The following KIAA0586 variants were observed in gnomAD, a reference collection of about 807,000 sequenced individuals.
KIAA0586 encodes KIAA0586.
In KIAA0586, 144 loss-of-function variants were observed where a neutral mutation model predicts 169.8. The observed-to-expected ratio is 0.85, with a 90% confidence interval of 0.74 to 0.97. The LOEUF is 0.97. KIAA0586 is among the 50% of genes least tolerant of loss of function. The pLI is 0.00. For missense variants in KIAA0586, 1,854 were observed against 1,823.0 expected, an observed-to-expected ratio of 1.02 and a Z score of -0.31; for synonymous variants, 625 against 612.4, an observed-to-expected ratio of 1.02 and a Z score of -0.30.
At chr14:58,482,480 C>T in intron 20 of KIAA0586, 33 bp from the exon 21 acceptor site, 4 of 1,374,268 alleles carry the variant, frequency 2.9e-6, no homozygotes, top group Non-Finnish European at 2.9e-6. Flanking sequence ...TGTTTCTTGC[C>T]CACTTATTCT....
intron 18 of KIAA0586, among the ~76,000 whole-genome samples, chr14:58,473,506 A>G (rs181441096): frequency 1.3e-5 from 2 of 152,348 alleles, no homozygotes; most frequent in Admixed American, 1.3e-4. Context: ...ACCTTATTGC[A>G]TATTTAAATG....
chr14:58,430,955 A>G (rs2037316088), intron 3 of KIAA0586, among the ~76,000 whole-genome samples: 1 of 152,074 alleles, frequency 6.6e-6, no homozygotes, highest in African/African-American at 2.4e-5. Context: ...GAATTTGACT[A>G]CCCTAGGTAC....
chr14:58,443,514 C>T (rs958735241), intron 5 of KIAA0586, among the ~76,000 whole-genome samples: 2 of 152,216 alleles, frequency 1.3e-5, no homozygotes, highest in Non-Finnish European at 2.9e-5. Flanking sequence ...CCTCCGCCTC[C>T]TGGGTTCACG....
chr14:58,431,800 T>C (rs865783735), intron 3 of KIAA0586, among the ~76,000 whole-genome samples: 42 of 152,346 alleles, frequency 2.8e-4, no homozygotes, highest in African/African-American at 9.9e-4. Context: ...TGATTAAATG[T>C]ATTCCTAGGA....
chr14:58,484,924 A>ATATATATATATTTTT (rs1566877360), intron 21 of KIAA0586, among the ~76,000 whole-genome samples: 1 of 13,052 alleles, frequency 7.7e-5, no homozygotes, highest in Non-Finnish European at 1.3e-4. Context: ...ATATATATAT[A>ATATATATATATTTTT]TTTTTTTTTT....
downstream of KIAA0586, among the ~76,000 whole-genome samples, chr14:58,554,699 T>G (rs946162312): frequency 6.6e-6 from 1 of 152,246 alleles, no homozygotes; most frequent in Non-Finnish European, 1.5e-5. Flanking sequence ...AAAGGCCAGA[T>G]AGTAAATCTT....
chr14:58,430,663 G>T lies in KIAA0586; in HGVS notation c.286G>T (p.Val96Phe). 3 of 1,597,940 alleles carry T rather than the reference G, an allele frequency of 1.9e-6. No homozygotes were observed. Among genetic ancestry groups the T allele is most frequent in the Non-Finnish European group, 2.6e-6 (3 of 1,170,104 alleles). ...MVSESDFSKD[V>F]AVQVLPLDKI... ...TATCCCAAAGGATTTTTCTAAAGAC[G>T]TTGCAGTGCAAGTGTTGCCTTTGGA... The change falls in exon 3 of 31, where the codon GTT (valine) becomes TTT (phenylalanine). Residue 96 changes from valine to phenylalanine, a missense_variant. Val to Phe is a conservative substitution (Grantham distance 50, BLOSUM62 -1). Coordinates refer to ENST00000652326, the MANE Select transcript of KIAA0586 (RefSeq NM_001329943.3).
Position 58,508,538 on chromosome 14 carries a change from T to C in KIAA0586, c.4169-17T>C. ...TAACACTTTATTTTAACTTTTTATT[T>C]ACATTTTTGATAACAGGTAGTATTT... On this transcript the variant is annotated splice_polypyrimidine_tract_variant and intron_variant, in intron 27 of 30. Transcript: ENST00000652326. The C allele has an allele frequency of 3.9e-6, 6 of 1,529,980 alleles. No homozygotes were observed. Among genetic ancestry groups the C allele is most frequent in the Non-Finnish European group, 5.3e-6 (6 of 1,132,534 alleles). The allele number at this position is 1,529,980 out of a possible 1,614,324, so 94.8% of individuals were successfully genotyped here.
chr14:58,432,798 A>G (rs760413614), intron 4 of KIAA0586, among the ~76,000 whole-genome samples: 5 of 152,274 alleles, frequency 3.3e-5, no homozygotes, highest in Non-Finnish European at 4.4e-5. Flanking sequence ...GCTCACTGCA[A>G]CCTCTGCCTC....
At chr14:58,461,253 ACG>A in intron 14 of KIAA0586, 93 bp downstream of exon 14, 1 of 869,256 alleles carries the variant, frequency 1.2e-6, no homozygotes, top group Non-Finnish European at 1.7e-6. Context: ...TATTGCTTAT[ACG>A]TGCCATTCAA....
intron 21 of KIAA0586, among the ~76,000 whole-genome samples, chr14:58,483,076 T>C (rs1305057993): frequency 1.3e-5 from 2 of 152,202 alleles, no homozygotes; most frequent in Non-Finnish European, 2.9e-5. Context: ...CAGTTGTCCA[T>C]TGGTGTACGT....
At chr14:58,516,425 C>T (rs1041929303) in intron 29 of KIAA0586, among the ~76,000 whole-genome samples, 2 of 152,200 alleles carry the variant, frequency 1.3e-5, no homozygotes, top group African/African-American at 4.8e-5. Context: ...AAAGAATCCA[C>T]TCCTGGCGGA....
At chr14:58,536,098 A>AT (rs1056074551) in intron 29 of KIAA0586, among the ~76,000 whole-genome samples, 3 of 152,108 alleles carry the variant, frequency 2.0e-5, no homozygotes, top group African/African-American at 4.8e-5. Flanking sequence ...CCAAATTTCA[A>AT]TTTTTTAAAA....
At chr14:58,540,392 G>A (rs2046574870) in intron 30 of KIAA0586, among the ~76,000 whole-genome samples, 1 of 152,222 alleles carries the variant, frequency 6.6e-6, no homozygotes, top group Admixed American at 6.5e-5. Flanking sequence ...TGCAGGTGTG[G>A]TATTCAGAGC....
At chr14:58,451,393 AT>A (rs1481684682) in intron 8 of KIAA0586, among the ~76,000 whole-genome samples, 2 of 150,880 alleles carry the variant, frequency 1.3e-5, no homozygotes, top group Non-Finnish European at 3.0e-5. Flanking sequence ...CACCAGGCTA[AT>A]TTTTGTATTT....
chr14:58,527,330 A>G (rs1297918341), intron 29 of KIAA0586, among the ~76,000 whole-genome samples: 2 of 152,204 alleles, frequency 1.3e-5, no homozygotes, highest in South Asian at 2.1e-4. Flanking sequence ...ACAGGCCAAC[A>G]TTGAAATTCA....
chr14:58,550,318 A>T lies in KIAA0586; in HGVS notation c.*2386A>T, dbSNP rs1246289291. ...CGGCATTCATCTAGTATTTTGTTTT[A>T]TAGGATTATTTCTGTTCATGGTTAC... On this transcript the variant is annotated 3_prime_UTR_variant, in exon 31 of 31. Transcript: ENST00000652326. 1 of 151,904 alleles carries T rather than the reference A, an allele frequency of 6.6e-6. No individual in the cohort carries two copies. The highest frequency in any genetic ancestry group is 1.5e-5 in the Non-Finnish European group (1 of 67,994). The allele number at this position is 151,904 out of a possible 1,614,324, so 9.4% of individuals were successfully genotyped here. A position where few individuals can be genotyped will look rare whatever the true frequency, so the allele number is the denominator to read the frequency against.
At chr14:58,462,132 C>T (rs990249910) in intron 14 of KIAA0586, among the ~76,000 whole-genome samples, 1 of 151,914 alleles carries the variant, frequency 6.6e-6, no homozygotes, top group East Asian at 1.9e-4. Flanking sequence ...TATACAGTGT[C>T]AGGTTATATA....
chr14:58,528,297 A>G (rs2045730880), intron 29 of KIAA0586, among the ~76,000 whole-genome samples: 1 of 152,178 alleles, frequency 6.6e-6, no homozygotes, highest in Non-Finnish European at 1.5e-5. Flanking sequence ...CAGAACAATG[A>G]GACAGAAAAT....
Sources: allele counts gnomAD v4.1 joint callset (sites outside exome capture counted in the v4.1 genomes callset), GRCh38; gene constraint gnomAD v4.1.1; transcripts MANE v1.5; gene names NCBI Gene and HGNC (gene_info 2026-07-23, HGNC 2026-07-21).